The following GRM5 variants were observed in gnomAD, a reference collection of about 807,000 sequenced individuals.
The protein encoded by GRM5 is metabotropic glutamate receptor 5.
Under a neutral mutation model 83.1 loss-of-function variants are expected in GRM5, and 19 were observed. The observed-to-expected ratio is 0.23, with a 90% CI of 0.16 to 0.34. GRM5 has a LOEUF of 0.34. Among genes scored for constraint, GRM5 ranks in the 10% least tolerant of loss-of-function variants. The pLI is 1.00. For missense variants in GRM5, 1,160 were observed against 1,588.3 expected (o/e 0.73, Z 4.58); for synonymous variants, 675 against 633.6 (o/e 1.07, Z -0.98).
In GRM5 at chr11:88,504,946, T is replaced by C. The variant is rs1354332824; in HGVS notation, c.*3646A>G. ...GGATTGGCACCATCTTTCTAAAACA[T>C]CTATAATCTATATAGATTTCTAATT... On this transcript the variant is annotated 3_prime_UTR_variant, in exon 10 of 10. Coordinates refer to ENST00000305447, the MANE Select transcript of GRM5 (RefSeq NM_001143831.3). 6.6e-6 allele frequency: 1 copy of C among 152,196 alleles called. No individual in the cohort carries two copies. The highest frequency in any genetic ancestry group is 2.4e-5 in the African/African-American group (1 of 41,458). The allele number at this position is 152,196 out of a possible 1,614,324, so 9.4% of individuals were successfully genotyped here. A position where few individuals can be genotyped will look rare whatever the true frequency, so the allele number is the denominator to read the frequency against.
At chr11:88,565,128 C>T (rs562369610) in intron 8 of GRM5, among the ~76,000 whole-genome samples, 3 of 150,884 alleles carry the variant, frequency 2.0e-5, no homozygotes, top group Non-Finnish European at 3.0e-5. Flanking sequence ...TCCATTTTTT[C>T]GGAGGAAGAA....
intron 3 of GRM5, among the ~76,000 whole-genome samples, chr11:88,796,049 T>A (rs1291692241): frequency 1.3e-5 from 2 of 152,218 alleles, no homozygotes; most frequent in Non-Finnish European, 2.9e-5. Context: ...CTGAAGGATA[T>A]AATTAAATTG....
intron 3 of GRM5, among the ~76,000 whole-genome samples, chr11:88,817,902 T>C (rs1339351002): frequency 1.3e-5 from 2 of 152,126 alleles, no homozygotes. Flanking sequence ...TTGAAGTCTA[T>C]ATTTTTAGCC....
At chr11:88,660,042 T>C (rs1748120315) in intron 3 of GRM5, among the ~76,000 whole-genome samples, 1 of 152,198 alleles carries the variant, frequency 6.6e-6, no homozygotes, top group Admixed American at 6.5e-5. Context: ...AACATTTGAA[T>C]GCCTCCTCTG....
chr11:88,627,079 C>T (rs1938818765), intron 4 of GRM5, among the ~76,000 whole-genome samples: 1 of 152,212 alleles, frequency 6.6e-6, no homozygotes, highest in Admixed American at 6.5e-5. Context: ...CCATGTTCTT[C>T]TCATAATATC....
intron 7 of GRM5, among the ~76,000 whole-genome samples, chr11:88,582,179 C>T (rs1015346132): frequency 6.6e-6 from 1 of 152,126 alleles, no homozygotes; most frequent in Admixed American, 6.5e-5. Context: ...CTAGGCTCTG[C>T]GATACTTGGG....
intron 5 of GRM5, among the ~76,000 whole-genome samples, chr11:88,602,814 C>CTTG (rs1328758459): frequency 6.6e-6 from 1 of 152,106 alleles, no homozygotes; most frequent in Non-Finnish European, 1.5e-5. Context: ...CATTACTTAC[C>CTTG]TCATAGGATT....
At chr11:89,059,116 A>G (rs1200733058) in intron 1 of GRM5, among the ~76,000 whole-genome samples, 1 of 152,156 alleles carries the variant, frequency 6.6e-6, no homozygotes, top group Admixed American at 6.5e-5. Context: ...CATTTTCCTC[A>G]GAACATTTAT....
chr11:88,873,373 T>C (rs1176315257), intron 2 of GRM5, among the ~76,000 whole-genome samples: 1 of 151,614 alleles, frequency 6.6e-6, no homozygotes, highest in Non-Finnish European at 1.5e-5. Flanking sequence ...CTAATAAATG[T>C]TTACAGAAAT....
chr11:88,611,969 TA>T (rs571841181), intron 4 of GRM5, among the ~76,000 whole-genome samples: 1,704 of 150,636 alleles, frequency 0.011, 36 homozygotes, highest in African/African-American at 0.04. Context: ...ATTTATTTAT[TA>T]TTTTTTTTTA....
chr11:89,058,346 C>T (rs1169371101), intron 1 of GRM5, among the ~76,000 whole-genome samples: 1 of 152,110 alleles, frequency 6.6e-6, no homozygotes, highest in African/African-American at 2.4e-5. Flanking sequence ...TTTAGCAGCA[C>T]CCCTGGCTTC....
At chr11:88,961,829 A>C (rs1489628126) in intron 2 of GRM5, among the ~76,000 whole-genome samples, 2 of 152,310 alleles carry the variant, frequency 1.3e-5, no homozygotes, top group East Asian at 3.9e-4. Context: ...GGCAGAACCA[A>C]GATTACATAT....
chr11:88,864,372 C>A (rs2135554257), intron 2 of GRM5, among the ~76,000 whole-genome samples: 1 of 151,942 alleles, frequency 6.6e-6, no homozygotes, highest in Middle Eastern at 3.4e-3. Flanking sequence ...TAGAGTATTA[C>A]AATGACAGAG....
In GRM5 at chr11:88,764,090, A is replaced by G. The variant is rs553041037; in HGVS notation, c.911+85816T>C. 4.0e-5 allele frequency among the ~76,000 whole-genome samples: 6 copies of G among 151,880 alleles called. No homozygotes were observed. The South Asian group carries it at 1.2e-3, about 31-fold the overall frequency. The stretch of plus-strand genomic sequence containing the variant: ...TTATTATATTACTGTTAGAAAAAAG[A>G]GACTTTAAATTTGAAAGTGTCACAT... On this transcript the variant is annotated intron_variant, in intron 3 of 9. Transcript: ENST00000305447.
intron 7 of GRM5, among the ~76,000 whole-genome samples, chr11:88,587,437 G>C (rs1363088854): frequency 1.3e-5 from 2 of 152,126 alleles, no homozygotes; most frequent in Non-Finnish European, 2.9e-5. Context: ...GAAAGCAGTG[G>C]TGATTGAAAC....
intron 9 of GRM5, among the ~76,000 whole-genome samples, chr11:88,514,172 T>A (rs1166583396): frequency 2.0e-5 from 3 of 152,132 alleles, no homozygotes; most frequent in Non-Finnish European, 4.4e-5. Context: ...ATTTAACCCT[T>A]TTGCAAAATA....
At chr11:89,056,314 T>C (rs1306176962) in intron 1 of GRM5, among the ~76,000 whole-genome samples, 1 of 152,176 alleles carries the variant, frequency 6.6e-6, no homozygotes, top group Non-Finnish European at 1.5e-5. Flanking sequence ...TCTGTGAGGA[T>C]CTACTCTCTC....
intron 2 of GRM5, among the ~76,000 whole-genome samples, chr11:89,021,599 A>C (rs1232346935): frequency 6.6e-6 from 1 of 152,222 alleles, no homozygotes; most frequent in Non-Finnish European, 1.5e-5. Context: ...ACTGCAGCTC[A>C]AATTCCCGTG....
intron 3 of GRM5, among the ~76,000 whole-genome samples, chr11:88,695,867 T>TCGG (rs1940889900): frequency 6.6e-6 from 1 of 152,114 alleles, no homozygotes; most frequent in South Asian, 2.1e-4. Flanking sequence ...TCCCACCCCA[T>TCGG]CGGCGTTGTC....
Sources: allele counts gnomAD v4.1 joint callset (sites outside exome capture counted in the v4.1 genomes callset), GRCh38; gene constraint gnomAD v4.1.1; transcripts MANE v1.5; gene names NCBI Gene and HGNC (gene_info 2026-07-23, HGNC 2026-07-21).